Variants in RASEF observed in about 807,000 individuals in gnomAD.
RASEF encodes ras and EF-hand domain-containing protein.
In RASEF, 68 loss-of-function variants were observed where a neutral mutation model predicts 90.1. The observed-to-expected ratio is 0.75, with a 90% CI of 0.62 to 0.92. RASEF has a LOEUF of 0.92. Among genes scored for constraint, RASEF ranks in the 40% least tolerant of loss-of-function variants. The pLI, the probability that RASEF is intolerant of heterozygous loss-of-function variation, is 0.00. For synonymous variants in RASEF, 331 were observed against 345.2 expected (o/e 0.96, Z 0.46); for missense variants, 949 against 937.2 (o/e 1.01, Z -0.16).
chr9:83,008,891 CATATATATATA>C (rs1206091763), intron 6 of RASEF, among the ~76,000 whole-genome samples: 238 of 19,564 alleles, frequency 0.012, 16 homozygotes, highest in African/African-American at 0.027. Flanking sequence ...AAGTTCTCAT[CATATATATATA>C]TATATATATA....
chr9:83,000,748 C>T (rs1405478697), intron 10 of RASEF, 148 bp downstream of exon 10: 28 of 901,064 alleles, frequency 3.1e-5, no homozygotes, highest in Admixed American at 2.8e-5. Context: ...GAATTTCTCC[C>T]TAACTCTGTG....
At chr9:83,140,446 G>C in the RASEF span, among the ~76,000 whole-genome samples, 1 of 152,212 alleles carries the variant, frequency 6.6e-6, no homozygotes, top group Non-Finnish European at 1.5e-5. Flanking sequence ...CCTCTTTGGA[G>C]TAGCATTGAA....
chr9:83,048,410 T>C (rs1829971663), intron 1 of RASEF: 2 of 985,240 alleles, frequency 2.0e-6, no homozygotes, highest in Admixed American at 1.2e-4. Flanking sequence ...TGCTACTTTA[T>C]ATCCTCACTG....
intron 1 of RASEF, among the ~76,000 whole-genome samples, chr9:83,044,363 C>A (rs1224462591): frequency 6.6e-6 from 1 of 152,054 alleles, no homozygotes; most frequent in African/African-American, 2.4e-5. Flanking sequence ...CTGTGAGGTG[C>A]TCAGTTTGAA....
chr9:83,055,250 C>A (rs1263913729), intron 1 of RASEF: 61 of 308,308 alleles, frequency 2.0e-4, no homozygotes, highest in Non-Finnish European at 3.4e-4. Context: ...TCTTGTGGTG[C>A]GCCGTTTCTT....
chr9:83,207,952 T>A, the RASEF span, among the ~76,000 whole-genome samples: 1 of 152,174 alleles, frequency 6.6e-6, no homozygotes, highest in African/African-American at 2.4e-5. Context: ...TCTGACCGCC[T>A]CTTGGTACAC....
the RASEF span, among the ~76,000 whole-genome samples, chr9:83,094,075 A>G: frequency 3.3e-5 from 5 of 152,218 alleles, no homozygotes; most frequent in Admixed American, 2.0e-4. Context: ...ACATTTCTCA[A>G]ATTTACTTAA....
the RASEF span, among the ~76,000 whole-genome samples, chr9:83,199,224 TAAAAAAA>T: frequency 0.12 from 13,852 of 118,038 alleles, 962 homozygotes; most frequent in East Asian, 0.18. Context: ...AGCCCTAATT[TAAAAAAA>T]AAAAAAAAAA....
intron 16 of RASEF, among the ~76,000 whole-genome samples, chr9:82,983,107 CCACA>C (rs10539196): frequency 0.054 from 6,907 of 128,550 alleles, 226 homozygotes; most frequent in East Asian, 0.083. Context: ...GAGTACCAGG[CCACA>C]CACACACACA....
At chr9:83,054,636 T>C (rs1166893996) in intron 1 of RASEF, 7 of 149,528 alleles carry the variant, frequency 4.7e-5, no homozygotes, top group Admixed American at 4.0e-4. Context: ...TTTTAGAGTT[T>C]CCAGTTTTTC....
chr9:83,021,755 TA>T (rs1829448725), intron 3 of RASEF, among the ~76,000 whole-genome samples: 1 of 152,224 alleles, frequency 6.6e-6, no homozygotes, highest in Non-Finnish European at 1.5e-5. Flanking sequence ...AGGATATACA[TA>T]GGTTGTATGT....
chr9:82,987,251 T>C (rs1271450219), intron 16 of RASEF, among the ~76,000 whole-genome samples: 1 of 109,550 alleles, frequency 9.1e-6, no homozygotes, highest in South Asian at 3.2e-4. Flanking sequence ...GGTCTTCATA[T>C]GTTTGCTTTA....
the RASEF span, among the ~76,000 whole-genome samples, chr9:83,079,229 T>C: frequency 7.2e-5 from 11 of 152,206 alleles, no homozygotes; most frequent in African/African-American, 2.7e-4. Flanking sequence ...GATTTTTGTA[T>C]AGAGTGTAAG....
upstream of RASEF, among the ~76,000 whole-genome samples, chr9:83,065,178 C>T (rs556394379): frequency 3.9e-5 from 6 of 152,270 alleles, no homozygotes; most frequent in South Asian, 2.1e-4. Context: ...TTCAGACCTC[C>T]GATATCAGTT....
intron 1 of RASEF, among the ~76,000 whole-genome samples, chr9:83,059,487 T>C (rs924844527): frequency 6.6e-6 from 1 of 152,170 alleles, no homozygotes; most frequent in Non-Finnish European, 1.5e-5. Flanking sequence ...ATTTATTCTA[T>C]TCATTTGGCA....
intron 1 of RASEF, among the ~76,000 whole-genome samples, chr9:83,030,405 T>C (rs753095018): frequency 3.3e-5 from 5 of 151,992 alleles, no homozygotes; most frequent in Non-Finnish European, 7.4e-5. Flanking sequence ...TTGCTGGCTA[T>C]CTGTACAACA....
the RASEF span, among the ~76,000 whole-genome samples, chr9:83,187,880 C>T: frequency 3.9e-4 from 59 of 152,314 alleles, no homozygotes; most frequent in Non-Finnish European, 7.2e-4. Context: ...AACAGCAACA[C>T]GAGAGCTCTA....
chr9:83,153,221 T>C, the RASEF span, among the ~76,000 whole-genome samples: 1 of 152,204 alleles, frequency 6.6e-6, no homozygotes, highest in South Asian at 2.1e-4. Context: ...ATACACCATG[T>C]ATATTCATAT....
the RASEF span, among the ~76,000 whole-genome samples, chr9:83,132,360 G>GT: frequency 6.6e-6 from 1 of 152,120 alleles, no homozygotes; most frequent in African/African-American, 2.4e-5. Context: ...TGACCAGCAA[G>GT]TCTCCAGTGG....
Sources: allele counts gnomAD v4.1 joint callset (sites outside exome capture counted in the v4.1 genomes callset), GRCh38; gene constraint gnomAD v4.1.1; transcripts MANE v1.5; gene names NCBI Gene and HGNC (gene_info 2026-07-23, HGNC 2026-07-21).